Variants in TENM3 observed in about 807,000 individuals in gnomAD.
The protein encoded by TENM3 is teneurin transmembrane protein 3, also known as teneurin-3.
In TENM3, 63 loss-of-function variants were observed where a neutral mutation model predicts 255.1. The observed-to-expected ratio is 0.25, with a 90% CI of 0.20 to 0.30. The LOEUF (loss-of-function observed/expected upper bound fraction) is 0.30. TENM3 is among the 10% of genes least tolerant of loss of function. The pLI is 1.00. For missense variants in TENM3, 2,929 were observed against 3,461.1 expected, an observed-to-expected ratio of 0.85 and a Z score of 3.86; for synonymous variants, 1,306 against 1,322.3, an observed-to-expected ratio of 0.99 and a Z score of 0.27.
the TENM3 span, among the ~76,000 whole-genome samples, chr4:181,592,146 T>C: frequency 6.6e-6 from 1 of 152,042 alleles, no homozygotes; most frequent in Non-Finnish European, 1.5e-5. Flanking sequence ...ATCTTGACTG[T>C]GGTCATGGTT....
chr4:181,493,827 T>C, the TENM3 span, among the ~76,000 whole-genome samples: 1 of 152,156 alleles, frequency 6.6e-6, no homozygotes, highest in Non-Finnish European at 1.5e-5. Flanking sequence ...TTCGCCTACG[T>C]ACCAATGATC....
intron 1 of TENM3, among the ~76,000 whole-genome samples, chr4:182,216,482 A>C (rs1175880082): frequency 6.6e-6 from 1 of 152,212 alleles, no homozygotes; most frequent in Non-Finnish European, 1.5e-5. Flanking sequence ...AGCAGAAATC[A>C]TCCTGATATC....
chr4:182,041,122 A>G, the TENM3 span, among the ~76,000 whole-genome samples: 1 of 152,294 alleles, frequency 6.6e-6, no homozygotes, highest in East Asian at 1.9e-4. Flanking sequence ...GCACAGCGTA[A>G]CCTAAGATCT....
chr4:182,547,137 A>C (rs1741530092), intron 3 of TENM3, among the ~76,000 whole-genome samples: 1 of 152,110 alleles, frequency 6.6e-6, no homozygotes, highest in Non-Finnish European at 1.5e-5. Context: ...CAGAACAGAG[A>C]ATTACGGTAA....
At chr4:182,525,973 T>A (rs1739120283) in intron 3 of TENM3, among the ~76,000 whole-genome samples, 1 of 152,120 alleles carries the variant, frequency 6.6e-6, no homozygotes, top group Non-Finnish European at 1.5e-5. Context: ...TCTTTCTTTC[T>A]TTCCTTTTTT....
the TENM3 span, among the ~76,000 whole-genome samples, chr4:181,694,556 G>A: frequency 1.3e-5 from 2 of 152,154 alleles, no homozygotes; most frequent in African/African-American, 4.8e-5. Flanking sequence ...GAACTACAGT[G>A]CACTTCTTTA....
chr4:182,120,430 C>T, the TENM3 span, among the ~76,000 whole-genome samples: 5 of 152,124 alleles, frequency 3.3e-5, no homozygotes, highest in African/African-American at 1.2e-4. Flanking sequence ...TGCACAACTA[C>T]ACATATGTAC....
the TENM3 span, among the ~76,000 whole-genome samples, chr4:181,957,698 C>A: frequency 6.6e-6 from 1 of 152,108 alleles, no homozygotes; most frequent in South Asian, 2.1e-4. Context: ...TCCAACTAGG[C>A]AGACACTAGT....
chr4:182,788,313 A>G lies in TENM3; in HGVS notation c.5305-780A>G, dbSNP rs989461438. Among the ~76,000 whole-genome samples the G allele has an allele frequency of 2.0e-5, 3 of 152,166 alleles. No homozygotes were observed. The South Asian group carries it at 6.2e-4, about 32-fold the overall frequency. Reference sequence around the variant, plus strand: ...TAAAGCAGAATTTAATCGGGACCACATTTCTATTGCAATAATGAAGGCTGG... The same window carrying G: ...TAAAGCAGAATTTAATCGGGACCACGTTTCTATTGCAATAATGAAGGCTGG... On this transcript the variant is annotated intron_variant, in intron 24 of 27. Coordinates refer to ENST00000511685, the MANE Select transcript of TENM3 (RefSeq NM_001080477.4).
the TENM3 span, among the ~76,000 whole-genome samples, chr4:182,048,751 G>GAGC: frequency 0.36 from 53,992 of 151,792 alleles, 10,529 homozygotes; most frequent in African/African-American, 0.53. Context: ...TTTTCCAGCA[G>GAGC]AGCAGCAACC....
intron 1 of TENM3, among the ~76,000 whole-genome samples, chr4:182,290,118 T>A (rs1384850012): frequency 1.3e-5 from 2 of 152,206 alleles, no homozygotes; most frequent in Non-Finnish European, 2.9e-5. Context: ...GCTGTCTTCC[T>A]GTGTCGCTGT....
intron 3 of TENM3, among the ~76,000 whole-genome samples, chr4:182,575,791 A>G (rs1009119820): frequency 6.6e-6 from 1 of 152,206 alleles, no homozygotes; most frequent in Non-Finnish European, 1.5e-5. Context: ...TTCTTTTTAG[A>G]TATAATACTG....
At chr4:182,244,547 C>A (rs1757521703) in intron 1 of TENM3, among the ~76,000 whole-genome samples, 1 of 152,100 alleles carries the variant, frequency 6.6e-6, no homozygotes, top group Non-Finnish European at 1.5e-5. Flanking sequence ...CCTTCCCATT[C>A]CGAAATTTTA....
chr4:182,681,725 A>G (rs1756192960), intron 10 of TENM3, 89 bp from the exon 11 acceptor site: 3 of 957,580 alleles, frequency 3.1e-6, no homozygotes, highest in African/African-American at 1.7e-5. Flanking sequence ...CAAAATGTTC[A>G]TATAAATTAG....
At chr4:182,186,938 C>A (rs1753202895) in intron 1 of TENM3, among the ~76,000 whole-genome samples, 1 of 150,078 alleles carries the variant, frequency 6.7e-6, no homozygotes, top group South Asian at 2.1e-4. Context: ...TTCTTCAGAT[C>A]TCTAATAAAT....
At chr4:181,852,141 T>C in the TENM3 span, among the ~76,000 whole-genome samples, 1 of 152,208 alleles carries the variant, frequency 6.6e-6, no homozygotes, top group Admixed American at 6.5e-5. Flanking sequence ...ATCCTCAGGC[T>C]TTTAATACCT....
chr4:181,745,639 A>G, the TENM3 span, among the ~76,000 whole-genome samples: 73,571 of 151,896 alleles, frequency 0.48, 18,942 homozygotes, highest in East Asian at 0.62. Flanking sequence ...GAGATAGATA[A>G]GGAGAGAGCT....
Position 182,539,330 on chromosome 4 carries a change from T to C in TENM3, c.512-61594T>C, listed in dbSNP as rs371080611. 3.3e-5 allele frequency among the ~76,000 whole-genome samples: 5 copies of C among 152,002 alleles called. No individual in the cohort carries two copies. The South Asian group carries it at 6.2e-4, about 19-fold the overall frequency. ...AAATAAAAATGCTCTGCTTGATTCA[T>C]TTACGTGGAGAATACTGATGAGCTA... is the stretch of plus-strand genomic sequence containing the variant. On this transcript the variant is annotated intron_variant, in intron 3 of 27. Coordinates refer to ENST00000511685, the MANE Select transcript of TENM3 (RefSeq NM_001080477.4).
At chr4:182,326,670 G>A (rs767542726) in intron 2 of TENM3, among the ~76,000 whole-genome samples, 1 of 151,988 alleles carries the variant, frequency 6.6e-6, no homozygotes, top group Non-Finnish European at 1.5e-5. Flanking sequence ...GAGTAGCTGG[G>A]ATCACAAGTG....
Sources: gnomAD v4.1 joint callset for allele counts (sites outside exome capture counted in the v4.1 genomes callset) on GRCh38, gnomAD v4.1.1 for gene constraint, MANE v1.5 for transcripts, NCBI Gene and HGNC (gene_info 2026-07-23, HGNC 2026-07-21) for gene names.